Variants in BCL2L13 observed in about 807,000 individuals in gnomAD.
The protein encoded by BCL2L13 is bcl-2-like protein 13.
A neutral mutation model predicts 25.8 loss-of-function variants in BCL2L13; 13 were observed. That is an observed-to-expected ratio of 0.50 (90% CI 0.33 to 0.80). The LOEUF (loss-of-function observed/expected upper bound fraction) is 0.80. Among genes scored for constraint, BCL2L13 ranks in the 30% least tolerant of loss-of-function variants. BCL2L13 has a pLI of 0.02. For synonymous variants in BCL2L13, 244 were observed against 230.3 expected (o/e 1.06, Z -0.54); for missense variants, 504 against 574.9 (o/e 0.88, Z 1.26).
At chr22:17,719,005 A>G (rs1278853758) in intron 6 of BCL2L13, among the ~76,000 whole-genome samples, 2 of 151,760 alleles carry the variant, frequency 1.3e-5, no homozygotes, top group African/African-American at 4.8e-5. Context: ...CAAAAATACA[A>G]CAGCCAGGCA....
At chr22:17,711,353 A>C (rs1272276283) in intron 6 of BCL2L13, among the ~76,000 whole-genome samples, 1 of 137,776 alleles carries the variant, frequency 7.3e-6, no homozygotes, top group African/African-American at 2.8e-5. Context: ...GCTGGAGCGC[A>C]GTGGCACAAT....
rs1372249082 is a variant in BCL2L13 at position 17,631,662 on chromosome 22, G to GTATATATA, written c.-650+2658_-650+2659insATATATAT. The stretch of plus-strand genomic sequence containing the variant: ...GAATGGTACGTGTGTGTATGTATGT[G>GTATATATA]TGTGTGTGTATATATATATATATAT... On this transcript the variant is annotated intron_variant, in intron 1 of 6. Coordinates refer to the BCL2L13 transcript ENST00000399782. Among the ~76,000 whole-genome samples, 12 of 32,130 alleles carry GTATATATA rather than the reference G, an allele frequency of 3.7e-4. 2 individuals carry two copies. Among genetic ancestry groups the GTATATATA allele is most frequent in the African/African-American group, 1.5e-3 (10 of 6,748 alleles). 21.1% of individuals were successfully genotyped at this position (32,130 alleles called of 152,430 possible).
Position 17,688,749 on chromosome 22 carries a change from C to T in BCL2L13, c.230-237C>T, listed in dbSNP as rs536567986. Reference sequence around the variant, plus strand: ...GTCTTAATCCTGTGGCCTTTTATAGCGCAACTTTTGATATTGTTGTTTTTT... The same window carrying T: ...GTCTTAATCCTGTGGCCTTTTATAGTGCAACTTTTGATATTGTTGTTTTTT... On this transcript the variant is annotated intron_variant, in intron 3 of 6. Transcript: ENST00000317582. Among the ~76,000 whole-genome samples the T allele has an allele frequency of 3.7e-4, 55 of 150,250 alleles. No individual in the cohort carries two copies. In the South Asian group the frequency reaches 4.4e-3, roughly 12 times the overall value.
At chr22:17,632,006 C>T (rs2058039274) in intron 1 of BCL2L13, among the ~76,000 whole-genome samples, 1 of 151,974 alleles carries the variant, frequency 6.6e-6, no homozygotes, top group Non-Finnish European at 1.5e-5. Flanking sequence ...AGGCGTGAGC[C>T]ACGGCGCCTG....
In BCL2L13 at chr22:17,728,948, C is replaced by T. The variant is rs1229173508; in HGVS notation, c.*1414C>T. 6.6e-6 allele frequency: 1 copy of T among 152,108 alleles called. No homozygotes were observed. Among genetic ancestry groups the T allele is most frequent in the Non-Finnish European group, 1.5e-5 (1 of 68,014 alleles). 9.4% of individuals were successfully genotyped at this position (152,108 alleles called of 1,614,324 possible). A position where few individuals can be genotyped will look rare whatever the true frequency, so the allele number is the denominator to read the frequency against. On this transcript the variant is annotated 3_prime_UTR_variant, in exon 7 of 7. Coordinates refer to ENST00000317582, the MANE Select transcript of BCL2L13 (RefSeq NM_015367.4). The stretch of plus-strand genomic sequence containing the variant: ...TTCCAGCCCTAAAGGAAGGGTAGAC[C>T]CGTGTCTTTCCAGCCCTAAAGGAAG...
At chr22:17,655,377 T>TCTAG (rs1469639522) in intron 1 of BCL2L13, among the ~76,000 whole-genome samples, 1 of 151,240 alleles carries the variant, frequency 6.6e-6, no homozygotes, top group Non-Finnish European at 1.5e-5. Flanking sequence ...CAGTAAGTCA[T>TCTAG]CTAGTATTAT....
intron 2 of BCL2L13, among the ~76,000 whole-genome samples, chr22:17,664,440 CTG>C (rs2059172399): frequency 6.6e-6 from 1 of 152,192 alleles, no homozygotes; most frequent in Admixed American, 6.5e-5. Context: ...CTTTCACAGA[CTG>C]GCATTGAGTG....
Position 17,678,410 on chromosome 22 carries a change from A to G in BCL2L13, c.122-4804A>G, listed in dbSNP as rs137946539. Reference sequence around the variant, plus strand: ...ACAGCCTTTCTGCTCTCTGTTAACTATTTAATCATGTCAGAAATGTTTCTG... The same window carrying G: ...ACAGCCTTTCTGCTCTCTGTTAACTGTTTAATCATGTCAGAAATGTTTCTG... On this transcript the variant is annotated intron_variant, in intron 2 of 6. Coordinates refer to ENST00000317582, the MANE Select transcript of BCL2L13 (RefSeq NM_015367.4). Among the ~76,000 whole-genome samples the G allele has an allele frequency of 2.3e-3, 353 of 152,180 alleles. 1 individual carries two copies. Among genetic ancestry groups the G allele is most frequent in the African/African-American group, 8.0e-3 (333 of 41,530 alleles).
chr22:17,643,453 T>TA (rs2058360108), intron 1 of BCL2L13, among the ~76,000 whole-genome samples: 1 of 151,956 alleles, frequency 6.6e-6, no homozygotes, highest in Non-Finnish European at 1.5e-5. Context: ...GAGAAAGTCT[T>TA]ACAATTCAAT....
In BCL2L13 at chr22:17,716,692, G is replaced by A. The variant is rs140669578; in HGVS notation, c.601-9985G>A. On this transcript the variant is annotated intron_variant, in intron 6 of 6. Coordinates refer to ENST00000317582, the MANE Select transcript of BCL2L13 (RefSeq NM_015367.4). ...ATTCTAAATATTGTATGAGTTTGCC[G>A]GCTTGCTTTTTAACTGAGTCAGAAA... Among the ~76,000 whole-genome samples the A allele has an allele frequency of 6.2e-3, 943 of 152,260 alleles. 6 individuals are homozygous for A. The highest frequency in any genetic ancestry group is 9.1e-3 in the Non-Finnish European group (620 of 68,020).
intron 1 of BCL2L13, among the ~76,000 whole-genome samples, chr22:17,652,125 TATC>T (rs2058708788): frequency 2.0e-5 from 3 of 152,170 alleles, no homozygotes; most frequent in African/African-American, 7.2e-5. Flanking sequence ...AGGTGGAAAA[TATC>T]ATATGTTGAA....
At chr22:17,715,172 T>A (rs12166736) in intron 6 of BCL2L13, among the ~76,000 whole-genome samples, 118 of 9,212 alleles carry the variant, frequency 0.013, no homozygotes, top group Admixed American at 0.018. Flanking sequence ...ATATATATAT[T>A]TTTTTTTTTT....
intron 1 of BCL2L13, among the ~76,000 whole-genome samples, chr22:17,640,726 A>G (rs1291563206): frequency 1.3e-5 from 2 of 150,848 alleles, no homozygotes; most frequent in Non-Finnish European, 3.0e-5. Flanking sequence ...TTAGCCAGGC[A>G]TAGGTCCCAG....
chr22:17,644,692 T>G (rs2058411808), intron 1 of BCL2L13, among the ~76,000 whole-genome samples: 1 of 151,560 alleles, frequency 6.6e-6, no homozygotes. Context: ...TTGAAATAAT[T>G]TATTAAAATG....
At chr22:17,682,192 A>T (rs1235773627) in intron 2 of BCL2L13, among the ~76,000 whole-genome samples, 1 of 152,196 alleles carries the variant, frequency 6.6e-6, no homozygotes, top group Non-Finnish European at 1.5e-5. Flanking sequence ...TAGTAGCAAA[A>T]TAGAATTAAC....
chr22:17,712,185 C>A (rs2060783100), intron 6 of BCL2L13, among the ~76,000 whole-genome samples: 1 of 152,182 alleles, frequency 6.6e-6, no homozygotes, highest in Non-Finnish European at 1.5e-5. Context: ...CATGGTGAGA[C>A]TGTGACAGAT....
At chr22:17,669,494 C>A (rs1182823470) in intron 2 of BCL2L13, among the ~76,000 whole-genome samples, 1 of 152,146 alleles carries the variant, frequency 6.6e-6, no homozygotes, top group Non-Finnish European at 1.5e-5. Context: ...AGGTGCCATG[C>A]TCTTTTTAAC....
intron 6 of BCL2L13, among the ~76,000 whole-genome samples, chr22:17,712,013 G>A (rs895374837): frequency 5.3e-5 from 8 of 150,760 alleles, no homozygotes; most frequent in African/African-American, 7.4e-5. Context: ...GTTTAATAAC[G>A]TTTTTTGAAG....
At chr22:17,647,651 C>T (rs983478811) in intron 1 of BCL2L13, among the ~76,000 whole-genome samples, 1 of 152,124 alleles carries the variant, frequency 6.6e-6, no homozygotes, top group Non-Finnish European at 1.5e-5. Context: ...GAAGTGAAGA[C>T]GGTGTACCCA....
Sources: allele counts gnomAD v4.1 joint callset (sites outside exome capture counted in the v4.1 genomes callset), GRCh38; gene constraint gnomAD v4.1.1; transcripts MANE v1.5; gene names NCBI Gene and HGNC (gene_info 2026-07-23, HGNC 2026-07-21).